The following PPARGC1A variants were observed in gnomAD, a reference collection of about 807,000 sequenced individuals.
The protein encoded by PPARGC1A is peroxisome proliferator-activated receptor gamma coactivator 1-alpha.
A neutral mutation model predicts 88.7 loss-of-function variants in PPARGC1A; 25 were observed. That is an observed-to-expected ratio of 0.28 (90% CI 0.21 to 0.39). PPARGC1A has a LOEUF of 0.39. Among genes scored for constraint, PPARGC1A ranks in the 10% least tolerant of loss-of-function variants. The pLI is 1.00. For synonymous variants in PPARGC1A, 363 were observed against 355.6 expected (o/e 1.02, Z -0.24); for missense variants, 880 against 968.7 (o/e 0.91, Z 1.22).
At chr4:23,952,408 G>C in the PPARGC1A span, among the ~76,000 whole-genome samples, 1 of 152,194 alleles carries the variant, frequency 6.6e-6, no homozygotes, top group South Asian at 2.1e-4. Flanking sequence ...CCAGGAAGTG[G>C]GGTGGGAGAG....
chr4:24,268,282 C>T, the PPARGC1A span, among the ~76,000 whole-genome samples: 2 of 152,148 alleles, frequency 1.3e-5, no homozygotes, highest in Non-Finnish European at 2.9e-5. Context: ...CCCTATGGCT[C>T]AGACAGAATC....
chr4:24,375,824 G>T, the PPARGC1A span, among the ~76,000 whole-genome samples: 1 of 152,060 alleles, frequency 6.6e-6, no homozygotes, highest in Admixed American at 6.6e-5. Context: ...TGAGATAAAA[G>T]CAGCCCTATA....
chr4:23,974,247 G>A, the PPARGC1A span, among the ~76,000 whole-genome samples: 5 of 152,262 alleles, frequency 3.3e-5, no homozygotes, highest in East Asian at 7.8e-4. Context: ...CAAACCATCT[G>A]TGACAATGTT....
chr4:24,268,986 A>T, the PPARGC1A span, among the ~76,000 whole-genome samples: 1 of 152,184 alleles, frequency 6.6e-6, no homozygotes, highest in African/African-American at 2.4e-5. Context: ...AAAACAAAGT[A>T]TGTGTAAATG....
upstream of PPARGC1A, among the ~76,000 whole-genome samples, chr4:23,907,679 C>T (rs2148894753): frequency 6.6e-6 from 1 of 152,308 alleles, no homozygotes; most frequent in Non-Finnish European, 1.5e-5. Flanking sequence ...GATGAGGAGC[C>T]TTTTAGAGCG....
At chr4:24,398,521 C>T in the PPARGC1A span, among the ~76,000 whole-genome samples, 4 of 152,114 alleles carry the variant, frequency 2.6e-5, no homozygotes, top group South Asian at 8.3e-4. Flanking sequence ...TAATTTTGTT[C>T]ATGTTTTCAG....
the PPARGC1A span, among the ~76,000 whole-genome samples, chr4:24,387,956 G>GAAAGA: frequency 6.8e-6 from 1 of 148,142 alleles, no homozygotes; most frequent in African/African-American, 2.5e-5. Context: ...AAGAAAGAAA[G>GAAAGA]AAAGGGAGAG....
the PPARGC1A span, among the ~76,000 whole-genome samples, chr4:24,066,786 A>G: frequency 4.2e-5 from 6 of 144,528 alleles, no homozygotes; most frequent in East Asian, 2.0e-4. Flanking sequence ...GAACTAGTCT[A>G]TCTTTGCCAT....
chr4:24,337,661 C>A, the PPARGC1A span, among the ~76,000 whole-genome samples: 1 of 150,058 alleles, frequency 6.7e-6, no homozygotes, highest in Non-Finnish European at 1.5e-5. Context: ...AGAACACCTC[C>A]ACTAAGGAGA....
chr4:24,471,039 G>T, the PPARGC1A span, among the ~76,000 whole-genome samples: 1 of 151,230 alleles, frequency 6.6e-6, no homozygotes, highest in Admixed American at 6.6e-5. This position sits in a 1 kb window ranked among gnomAD's most constrained non-coding sequence, Gnocchi z 5.4. Context: ...CGCCAGCGCC[G>T]GCGAGCGCGG....
chr4:23,886,871 AAAAC>A (rs1324869374), intron 1 of PPARGC1A, among the ~76,000 whole-genome samples: 3 of 151,672 alleles, frequency 2.0e-5, no homozygotes, highest in Middle Eastern at 3.4e-3. Flanking sequence ...AAAAAAAAAA[AAAAC>A]ATGAACAACA....
At position 23,806,635 on chromosome 4, in the gene PPARGC1A, A is replaced by G. The variant is rs569738523; in HGVS notation, c.2020-4290T>C. On this transcript the variant is annotated intron_variant, in intron 10 of 12. Coordinates refer to ENST00000264867, the MANE Select transcript of PPARGC1A (RefSeq NM_013261.5). Reference sequence around the variant, plus strand: ...AAAAGCTAGTACGCTGATGGGGTGGATAATAAAATTGAAGACTTACATTGC... The same window carrying G: ...AAAAGCTAGTACGCTGATGGGGTGGGTAATAAAATTGAAGACTTACATTGC... Among the ~76,000 whole-genome samples, 13 of 152,308 alleles carry G rather than the reference A, an allele frequency of 8.5e-5. No individual in the cohort carries two copies. In the South Asian group the frequency reaches 2.7e-3, roughly 32 times the overall value.
At chr4:23,991,079 T>C in the PPARGC1A span, among the ~76,000 whole-genome samples, 3 of 152,006 alleles carry the variant, frequency 2.0e-5, no homozygotes, top group South Asian at 2.1e-4. Flanking sequence ...TAGAATCATA[T>C]TACTAATATT....
At chr4:23,919,412 G>A in the PPARGC1A span, among the ~76,000 whole-genome samples, 11 of 152,068 alleles carry the variant, frequency 7.2e-5, no homozygotes, top group African/African-American at 1.4e-4. Context: ...AAAATATAGA[G>A]ATGGCAACAC....
chr4:24,260,106 A>G, the PPARGC1A span, among the ~76,000 whole-genome samples: 8 of 152,218 alleles, frequency 5.3e-5, no homozygotes. Flanking sequence ...AGGCCAAATT[A>G]TATTCATGTT....
chr4:24,291,976 A>G, the PPARGC1A span, among the ~76,000 whole-genome samples: 106,651 of 152,138 alleles, frequency 0.7, 38,542 homozygotes, highest in African/African-American at 0.87. Flanking sequence ...TTATCATTTT[A>G]GATGTTGAGC....
the PPARGC1A span, among the ~76,000 whole-genome samples, chr4:23,969,207 C>T: frequency 3.9e-5 from 6 of 152,104 alleles, no homozygotes; most frequent in East Asian, 1.9e-4. Flanking sequence ...GATAGAGTCT[C>T]GATAAATGTC....
the PPARGC1A span, among the ~76,000 whole-genome samples, chr4:24,176,647 C>T: frequency 6.6e-6 from 1 of 152,108 alleles, no homozygotes; most frequent in South Asian, 2.1e-4. Flanking sequence ...TGGGGAAGAG[C>T]TATCACTTCT....
intron 10 of PPARGC1A, among the ~76,000 whole-genome samples, chr4:23,812,189 T>G (rs1011409640): frequency 2.6e-5 from 4 of 151,966 alleles, no homozygotes; most frequent in African/African-American, 9.7e-5. Context: ...GTGATCCACA[T>G]GCCTTGGCCT....
Sources: allele counts gnomAD v4.1 joint callset (sites outside exome capture counted in the v4.1 genomes callset), GRCh38; gene constraint gnomAD v4.1.1; non-coding constraint Gnocchi (gnomAD v3.1); transcripts MANE v1.5; gene names NCBI Gene and HGNC (gene_info 2026-07-23, HGNC 2026-07-21).